CDKL4: variants seen among roughly 807,000 people sequenced by gnomAD.
CDKL4 encodes the protein cyclin dependent kinase like 4.
A neutral mutation model predicts 42.0 loss-of-function variants in CDKL4; 44 were observed. The observed-to-expected ratio is 1.05, with a 90% CI of 0.82 to 1.35. CDKL4 has a LOEUF of 1.35. CDKL4 is among the 40% of genes most tolerant of loss of function. The pLI, the probability that CDKL4 is intolerant of heterozygous loss-of-function variation, is 0.00. For missense variants in CDKL4, 393 were observed against 369.9 expected, an observed-to-expected ratio of 1.06 and a Z score of -0.51; for synonymous variants, 120 against 121.6, an observed-to-expected ratio of 0.99 and a Z score of 0.09.
chr2:39,176,994 C>T (rs563348419), intron 9 of CDKL4, among the ~76,000 whole-genome samples: 8 of 152,054 alleles, frequency 5.3e-5, no homozygotes, highest in Admixed American at 2.0e-4. Flanking sequence ...TGTTTAGGAC[C>T]GGCCTCGTGT....
chr2:39,205,912 G>A (rs540660990), intron 4 of CDKL4, among the ~76,000 whole-genome samples: 95 of 152,262 alleles, frequency 6.2e-4, no homozygotes, highest in Middle Eastern at 3.4e-3. Flanking sequence ...CGCGCCAGGG[G>A]ATGGGGATCA....
chr2:39,190,329 G>C (rs748900344), exon 6 of CDKL4: 1 of 1,614,142 alleles, frequency 6.2e-7, no homozygotes, highest in Non-Finnish European at 8.5e-7. Flanking sequence ...ATCAGATAAA[G>C]TTGGTCCACA....
At chr2:39,206,619 C>A (rs1211682851) in intron 4 of CDKL4, among the ~76,000 whole-genome samples, 3 of 152,050 alleles carry the variant, frequency 2.0e-5, no homozygotes, top group Admixed American at 2.0e-4. Flanking sequence ...TCCACGCTCC[C>A]AAAAAAGAAA....
At chr2:39,176,388 T>C (rs1380394996) in intron 9 of CDKL4, among the ~76,000 whole-genome samples, 1 of 152,188 alleles carries the variant, frequency 6.6e-6, no homozygotes, top group Admixed American at 6.5e-5. Flanking sequence ...TCAGCTACTA[T>C]ACAATAATTC....
intron 9 of CDKL4, chr2:39,178,683 G>A (rs1675269435): frequency 9.9e-6 from 16 of 1,608,238 alleles, no homozygotes; most frequent in Non-Finnish European, 1.3e-5. Context: ...GTTCCCAGAT[G>A]TCTGGGTTTC....
chr2:39,240,773 C>CTAGA (rs1679622480), intron 1 of CDKL4, among the ~76,000 whole-genome samples: 3 of 151,302 alleles, frequency 2.0e-5, no homozygotes. Flanking sequence ...TTTTATAATT[C>CTAGA]CATTACAGGA....
Position 39,196,181 on chromosome 2 carries a change from C to T in CDKL4, c.455-5679G>A, listed in dbSNP as rs576933657. On this transcript the variant is annotated intron_variant, in intron 5 of 9. Coordinates refer to ENST00000451199, the Ensembl canonical transcript of CDKL4. ...GAGGTCAACCAACATAAAACTAGTG[C>T]GCATAACAAAAATACAACCAAGTCA... Among the ~76,000 whole-genome samples the T allele has an allele frequency of 5.9e-5, 9 of 152,214 alleles. 1 individual carries two copies. Among genetic ancestry groups the T allele is most frequent in the Admixed American group, 3.9e-4 (6 of 15,282 alleles).
intron 8 of CDKL4, among the ~76,000 whole-genome samples, chr2:39,180,117 C>G (rs569741934): frequency 6.6e-6 from 1 of 152,280 alleles, no homozygotes; most frequent in African/African-American, 2.4e-5. Context: ...TAAAGAGCAG[C>G]TTTAAGCCAG....
intron 5 of CDKL4, among the ~76,000 whole-genome samples, chr2:39,202,065 C>T (rs533741800): frequency 6.6e-6 from 1 of 152,174 alleles, no homozygotes; most frequent in African/African-American, 2.4e-5. Flanking sequence ...AAACTCATCT[C>T]TACTAAAAAT....
At chr2:39,229,377 T>C in exon 2 of CDKL4, 1 of 1,597,216 alleles carries the variant, frequency 6.3e-7, no homozygotes, top group Non-Finnish European at 8.5e-7. Context: ...TCAACATACG[T>C]ATTTCTCTTA....
At chr2:39,202,242 C>G (rs1676900279) in intron 5 of CDKL4, among the ~76,000 whole-genome samples, 1 of 19,456 alleles carries the variant, frequency 5.1e-5, no homozygotes, top group East Asian at 3.6e-3. Flanking sequence ...CTGTCTCAAA[C>G]AAAACAAAAC....
intron 2 of CDKL4, 63 bp downstream of exon 2, chr2:39,229,302 A>C (rs1490912586): frequency 8.3e-7 from 1 of 1,205,046 alleles, no homozygotes; most frequent in African/African-American, 1.5e-5. Flanking sequence ...AATTCTTTGC[A>C]ATTTTAACAT....
chr2:39,169,135 A>G, the CDKL4 span, among the ~76,000 whole-genome samples: 1 of 152,230 alleles, frequency 6.6e-6, no homozygotes, highest in Admixed American at 6.5e-5. Flanking sequence ...CAAACTACTA[A>G]AAGTGTTGCT....
chr2:39,188,880 T>C (rs1007885518), intron 6 of CDKL4, among the ~76,000 whole-genome samples: 3 of 152,134 alleles, frequency 2.0e-5, no homozygotes, highest in Non-Finnish European at 4.4e-5. Context: ...TTTGCAGATA[T>C]GGGGTCTGCC....
Position 39,185,317 on chromosome 2 carries a change from CATATATATACACATATGT to C in CDKL4, c.736-688_736-671del, listed in dbSNP as rs1558546942. Among the ~76,000 whole-genome samples, 14 of 34,770 alleles carry C rather than the reference CATATATATACACATATGT, an allele frequency of 4.0e-4. 1 individual carries two copies. The highest frequency in any genetic ancestry group is 2.0e-3 in the African/African-American group (8 of 3,942). The allele number at this position is 34,770 out of a possible 152,430, so 22.8% of individuals were successfully genotyped here. On this transcript the variant is annotated intron_variant, in intron 7 of 9. Coordinates refer to ENST00000451199, the Ensembl canonical transcript of CDKL4. ...ATATATATACACATATGTATATATA[CATATATATACACATATGT>C]ATATATATACACATATGTATATATA...
chr2:39,170,946 G>T (rs182593717), downstream of CDKL4, among the ~76,000 whole-genome samples: 107 of 152,164 alleles, frequency 7.0e-4, no homozygotes, highest in African/African-American at 2.6e-3. Flanking sequence ...TAAGCTAAAG[G>T]AGCACAAAAC....
chr2:39,204,444 G>A lies in CDKL4; in HGVS notation c.454+83C>T, dbSNP rs1255557383. Reference sequence around the variant, plus strand: ...AACAACAATACAATATTTGGCATATGTCCAATATCCAATGTAAGAATTTAA... The same window carrying A: ...AACAACAATACAATATTTGGCATATATCCAATATCCAATGTAAGAATTTAA... On this transcript the variant is annotated intron_variant, in intron 5 of 9. Transcript: ENST00000451199. 8.5e-6 allele frequency: 7 copies of A among 821,316 alleles called. No individual in the cohort carries two copies. In the East Asian group the frequency reaches 1.7e-4, roughly 20 times the overall value. 50.9% of individuals were successfully genotyped at this position (821,316 alleles called of 1,614,324 possible). A position where few individuals can be genotyped will look rare whatever the true frequency, so the allele number is the denominator to read the frequency against.
chr2:39,193,576 T>C (rs1177194265), intron 5 of CDKL4, among the ~76,000 whole-genome samples: 1 of 152,056 alleles, frequency 6.6e-6, no homozygotes, highest in Non-Finnish European at 1.5e-5. Context: ...GGTTTCTCCA[T>C]GTGGGTCAGG....
At chr2:39,200,561 AG>A (rs1313308246) in intron 5 of CDKL4, among the ~76,000 whole-genome samples, 2 of 152,196 alleles carry the variant, frequency 1.3e-5, no homozygotes, top group African/African-American at 4.8e-5. Context: ...ACAAATCTGG[AG>A]GGATTATCCT....
Sources: allele counts gnomAD v4.1 joint callset (sites outside exome capture counted in the v4.1 genomes callset), GRCh38; gene constraint gnomAD v4.1.1; transcripts MANE v1.5; gene names NCBI Gene and HGNC (gene_info 2026-07-23, HGNC 2026-07-21).